Variants in SDK1 observed in about 807,000 individuals in gnomAD.
SDK1 encodes the protein protein sidekick-1.
In SDK1, 157 loss-of-function variants were observed where a neutral mutation model predicts 245.5. The ratio of observed to expected loss-of-function variants is 0.64; its 90% CI spans 0.56 to 0.73. The LOEUF (loss-of-function observed/expected upper bound fraction) is 0.73, where lower values mean the gene tolerates loss of function less well. SDK1 is among the 30% of genes least tolerant of loss of function. The probability of loss-of-function intolerance (pLI) is 0.00; values close to 1 mark genes in which losing one functional copy is unlikely to be tolerated. For missense variants in SDK1, 3,583 were observed against 3,002.3 expected (o/e 1.19, Z -4.52); for synonymous variants, 1,647 against 1,278.5 (o/e 1.29, Z -6.15).
intron 4 of SDK1, among the ~76,000 whole-genome samples, chr7:3,733,488 C>G (rs1562403882): frequency 1.3e-5 from 2 of 152,154 alleles, no homozygotes; most frequent in Admixed American, 6.5e-5. Flanking sequence ...CTGGAAGTTA[C>G]AAGTTGCCCT....
intron 2 of SDK1, among the ~76,000 whole-genome samples, chr7:3,629,107 A>G (rs1438648354): frequency 1.3e-5 from 2 of 151,546 alleles, no homozygotes; most frequent in Non-Finnish European, 2.9e-5. Flanking sequence ...CCTGGCTAAC[A>G]TGGTGAAACC....
At chr7:4,222,673 C>T (rs1017370763) in intron 40 of SDK1, among the ~76,000 whole-genome samples, 43 of 152,290 alleles carry the variant, frequency 2.8e-4, no homozygotes, top group African/African-American at 8.9e-4. Flanking sequence ...TTCTTTGGCT[C>T]AATAACTCAG....
At chr7:3,330,420 T>C (rs1562418528) in intron 1 of SDK1, among the ~76,000 whole-genome samples, 1 of 152,202 alleles carries the variant, frequency 6.6e-6, no homozygotes, top group Non-Finnish European at 1.5e-5. Context: ...CAAATTCATA[T>C]GTTGATTGGA....
In SDK1 at chr7:4,221,335, C is replaced by T. The variant is rs150519551; in HGVS notation, c.5798C>T (p.Thr1933Met). The T allele has an allele frequency of 1.6e-4, 251 of 1,612,434 alleles. 1 individual carries two copies. The highest frequency in any genetic ancestry group is 5.8e-4 in the Admixed American group (35 of 59,902). ...TEGHSGDTPT[T>M]GYVIEARPSD... is the part of the protein sequence containing the mutation. Reference sequence around the variant, plus strand: ...GGACACTCTGGCGACACACCTACCACGGGCTATGTGATCGAGGCCCGGCCC... The same window carrying T: ...GGACACTCTGGCGACACACCTACCATGGGCTATGTGATCGAGGCCCGGCCC... The change falls in exon 40 of 45, where the codon ACG becomes ATG. Residue 1933 changes from threonine (T) to methionine (M), a missense_variant. Thr to Met is a moderately conservative substitution (Grantham distance 81, BLOSUM62 -1). Transcript: ENST00000404826.
At chr7:3,340,864 G>A (rs1029933180) in intron 1 of SDK1, among the ~76,000 whole-genome samples, 1 of 151,732 alleles carries the variant, frequency 6.6e-6, no homozygotes, top group Non-Finnish European at 1.5e-5. Flanking sequence ...ATTCTTAATT[G>A]AAATGCTCCC....
chr7:3,856,759 C>G (rs1165602247), intron 5 of SDK1, among the ~76,000 whole-genome samples: 2 of 152,160 alleles, frequency 1.3e-5, no homozygotes, highest in Admixed American at 1.3e-4. Flanking sequence ...CCACTGCACT[C>G]TAGCCTGGGC....
intron 22 of SDK1, among the ~76,000 whole-genome samples, chr7:4,097,593 C>T (rs1209377778): frequency 6.6e-6 from 1 of 152,198 alleles, no homozygotes; most frequent in Non-Finnish European, 1.5e-5. Context: ...ACCTGGCCAC[C>T]TGTTACCTCT....
chr7:3,989,747 C>G (rs916110006), intron 14 of SDK1, among the ~76,000 whole-genome samples: 7 of 152,210 alleles, frequency 4.6e-5, no homozygotes, highest in African/African-American at 1.7e-4. Flanking sequence ...TACACGCCCC[C>G]AGCAATTATT....
At chr7:3,875,214 T>TA (rs1562506338) in intron 5 of SDK1, among the ~76,000 whole-genome samples, 1 of 142,092 alleles carries the variant, frequency 7.0e-6, no homozygotes, top group Non-Finnish European at 1.5e-5. Context: ...AGTTAGTTTT[T>TA]TCCCTGTACC....
At chr7:3,896,259 C>T (rs1781602686) in intron 5 of SDK1, among the ~76,000 whole-genome samples, 1 of 152,126 alleles carries the variant, frequency 6.6e-6, no homozygotes, top group South Asian at 2.1e-4. Flanking sequence ...CTTCCTTCTC[C>T]CTGAAGGCAT....
intron 12 of SDK1, among the ~76,000 whole-genome samples, chr7:3,972,776 C>T (rs1044167450): frequency 4.6e-5 from 7 of 152,170 alleles, no homozygotes; most frequent in Non-Finnish European, 8.8e-5. Flanking sequence ...GGGTGTTTGG[C>T]CAATTGTAAA....
At chr7:4,201,620 G>A (rs1783886074) in intron 35 of SDK1, among the ~76,000 whole-genome samples, 1 of 152,222 alleles carries the variant, frequency 6.6e-6, no homozygotes, top group African/African-American at 2.4e-5. Flanking sequence ...TACTGCTCTA[G>A]CCACAGCAGA....
At chr7:4,063,614 A>C (rs1779685789) in intron 19 of SDK1, among the ~76,000 whole-genome samples, 3 of 151,902 alleles carry the variant, frequency 2.0e-5, no homozygotes, top group Non-Finnish European at 2.9e-5. Flanking sequence ...AAAAAACAAA[A>C]AACCCCGTAA....
intron 1 of SDK1, among the ~76,000 whole-genome samples, chr7:3,524,079 GAGA>G (rs1254565938): frequency 5.9e-5 from 9 of 152,174 alleles, no homozygotes; most frequent in African/African-American, 2.2e-4. Flanking sequence ...AATATTGCCT[GAGA>G]AGAAGACATT....
intron 25 of SDK1, among the ~76,000 whole-genome samples, chr7:4,115,263 T>C (rs1783627385): frequency 6.6e-6 from 1 of 152,202 alleles, no homozygotes; most frequent in Non-Finnish European, 1.5e-5. Flanking sequence ...GAGTCACAGC[T>C]TGTGCTTGAC....
chr7:4,237,788 C>A lies in SDK1; in HGVS notation c.6130+4C>A. The A allele has an allele frequency of 6.2e-7, 1 of 1,614,120 alleles. No homozygotes were observed. Among genetic ancestry groups the A allele is most frequent in the African/African-American group, 1.3e-5 (1 of 75,056 alleles). On this transcript the variant is annotated splice_donor_region_variant and intron_variant, in intron 42 of 44. Transcript: ENST00000404826. ...AAGTATAAGAACTGCAGCACAGGTGCAGGTCCAGCCCCTTCCTCGCGTGTC... is the reference window on the plus strand; with the variant it reads ...AAGTATAAGAACTGCAGCACAGGTGAAGGTCCAGCCCCTTCCTCGCGTGTC...
chr7:3,735,911 G>C (rs978485533), intron 4 of SDK1, among the ~76,000 whole-genome samples: 1 of 152,108 alleles, frequency 6.6e-6, no homozygotes, highest in Non-Finnish European at 1.5e-5. Flanking sequence ...TCTCATTGCG[G>C]TTTTAATTCC....
At chr7:3,935,383 A>G (rs571595291) in intron 5 of SDK1, among the ~76,000 whole-genome samples, 7 of 152,358 alleles carry the variant, frequency 4.6e-5, no homozygotes, top group African/African-American at 1.7e-4. Flanking sequence ...AACAAAAGAA[A>G]AAATCAAAAT....
At chr7:4,206,443 G>C (rs7788648) in intron 36 of SDK1, among the ~76,000 whole-genome samples, 2 of 152,132 alleles carry the variant, frequency 1.3e-5, no homozygotes, top group Admixed American at 6.5e-5. Context: ...CCCTTGATTC[G>C]GTCGGTCCAG....
Sources: gnomAD v4.1 joint callset for allele counts (sites outside exome capture counted in the v4.1 genomes callset) on GRCh38, gnomAD v4.1.1 for gene constraint, MANE v1.5 for transcripts, NCBI Gene and HGNC (gene_info 2026-07-23, HGNC 2026-07-21) for gene names.